C3: variants seen among roughly 807,000 people sequenced by gnomAD.
C3 encodes complement C3.
A neutral mutation model predicts 207.9 loss-of-function variants in C3; 97 were observed. The observed-to-expected ratio is 0.47, with a 90% CI of 0.40 to 0.55. C3 has a LOEUF of 0.55. C3 is among the 20% of genes least tolerant of loss of function. The pLI is 0.00. For missense variants in C3, 1,684 were observed against 2,171.7 expected (o/e 0.78, Z 4.46); for synonymous variants, 848 against 857.6 (o/e 0.99, Z 0.20).
At chr19:6,684,117 A>G in intron 33 of C3, 1 of 497,032 alleles carries the variant, frequency 2.0e-6, no homozygotes, top group Non-Finnish European at 3.7e-6. Flanking sequence ...GAAAAAAAGA[A>G]AACTTTAAAG....
Position 6,719,204 on chromosome 19 carries a change from C to A in C3, c.267+7G>T. On this transcript the variant is annotated splice_region_variant and intron_variant, in intron 2 of 40. Coordinates refer to ENST00000245907, the MANE Select transcript of C3 (RefSeq NM_000064.4). This position sits in a 1 kb window ranked among gnomAD's most constrained non-coding sequence, Gnocchi z 5.4. ...GTCAGCCGGGTCCTGCGCCAGTCTG[C>A]ACTCACCGTGAAGGTGACGTTGCCC... 6 of 1,612,818 alleles carry A rather than the reference C, an allele frequency of 3.7e-6. No homozygotes were observed. Among genetic ancestry groups the A allele is most frequent in the Non-Finnish European group, 5.1e-6 (6 of 1,178,956 alleles).
At position 6,713,240 on chromosome 19, in the gene C3, C is replaced by G; in HGVS notation, c.952G>C (p.Asp318His). Residue 318 changes from aspartate (D) to histidine (H), a missense_variant, in exon 9 of 41, where the codon GAC (aspartate) becomes CAC (histidine). Around this residue, in one of 3 missense-constraint regions of C3, gnomAD observed 1,280 missense variants for 1,739.1 expected, o/e 0.74. Transcript: ENST00000245907. ...LDGVQNPRAE[D>H]LVGKSLYVSA... ...ACGTACAAAGACTTCCCCACCAGGT[C>G]TTCTGCTCGGGGGTTCTGCACCCCG... The G allele has an allele frequency of 6.2e-7, 1 of 1,613,732 alleles. No homozygotes were observed. The highest frequency in any genetic ancestry group is 2.2e-5 in the East Asian group (1 of 44,882).
chr19:6,680,602 G>A (rs1917835118), intron 35 of C3, among the ~76,000 whole-genome samples: 1 of 152,178 alleles, frequency 6.6e-6, no homozygotes, highest in Non-Finnish European at 1.5e-5. Context: ...GATGGAAGGT[G>A]CTTGGATCCC....
intron 24 of C3, 96 bp from the exon 25 acceptor site, chr19:6,693,583 G>A (rs1254224985): frequency 1.7e-5 from 18 of 1,066,630 alleles, no homozygotes; most frequent in Non-Finnish European, 2.5e-5. Flanking sequence ...GGGGACAGGG[G>A]CTCAGGGTGG....
chr19:6,678,608 C>T (rs976879759), intron 38 of C3, among the ~76,000 whole-genome samples, 153 bp from the exon 39 acceptor site: 4 of 152,072 alleles, frequency 2.6e-5, no homozygotes, highest in Non-Finnish European at 5.9e-5. Context: ...CCTCATTACA[C>T]ACACAACCAT....
At chr19:6,699,967 T>C (rs1259258044) in intron 19 of C3, among the ~76,000 whole-genome samples, 2 of 149,208 alleles carry the variant, frequency 1.3e-5, no homozygotes, top group Non-Finnish European at 3.0e-5. Flanking sequence ...TTATATTATA[T>C]ATCTAATAAA....
At position 6,685,059 on chromosome 19, in the gene C3, G is replaced by A. The variant is rs1568211648; in HGVS notation, c.3898C>T (p.Leu1300=). 1.2e-6 allele frequency: 2 copies of A among 1,614,106 alleles called. No individual in the cohort carries two copies. Among genetic ancestry groups the A allele is most frequent in the Non-Finnish European group, 1.7e-6 (2 of 1,179,992 alleles). Residue 1300 remains leucine, a synonymous_variant, in exon 30 of 41, where the codon CTG becomes TTG. Coordinates refer to ENST00000245907, the MANE Select transcript of C3 (RefSeq NM_000064.4). ...GTGATCTTGGAGCTGCGGCTGGGCA[G>A]TTGGAGGGACACATCAAGGTTCAGT... The part of the protein sequence containing the change: ...QELNLDVSLQ[L]PSRSSKITHR...
chr19:6,719,248 G>T lies in C3; in HGVS notation c.230C>A (p.Thr77Asn), dbSNP rs1968115872. ...LVLSSEKTVL[T>N]PATNHMGNVT... is the part of the protein sequence containing the mutation. ...GTTGCCCATGTGGTTGGTGGCAGGG[G>T]TCAGCACAGTCTTCTCACTGGACAG... Residue 77 changes from threonine (T) to asparagine (N), a missense_variant, in exon 2 of 41, where the codon ACC becomes AAC. Coordinates refer to ENST00000245907, the MANE Select transcript of C3 (RefSeq NM_000064.4). This position sits in a 1 kb window ranked among gnomAD's most constrained non-coding sequence, Gnocchi z 5.4. The T allele has an allele frequency of 1.2e-6, 2 of 1,613,930 alleles. No homozygotes were observed. The highest frequency in any genetic ancestry group is 1.7e-6 in the Non-Finnish European group (2 of 1,179,990).
At chr19:6,696,924 C>G (rs1247207229) in intron 21 of C3, among the ~76,000 whole-genome samples, 1 of 150,844 alleles carries the variant, frequency 6.6e-6, no homozygotes, top group Non-Finnish European at 1.5e-5. Flanking sequence ...CGCCTGTAGT[C>G]CCAGCTACTC....
chr19:6,697,454 C>A lies in C3; in HGVS notation c.2686G>T (p.Val896Phe), dbSNP rs777574436. 1.2e-6 allele frequency: 2 copies of A among 1,613,806 alleles called. No individual in the cohort carries two copies. Among genetic ancestry groups the A allele is most frequent in the South Asian group, 1.1e-5 (1 of 91,048 alleles). Reference sequence around the variant, plus strand: ...TTTAGCGGCACGATGACATATGGAACGGACAACGAGGACTTGGGGGGGATG... The same window carrying A: ...TTTAGCGGCACGATGACATATGGAAAGGACAACGAGGACTTGGGGGGGATG... ...VTIPPKSSLS[V>F]PYVIVPLKTG... The change falls in exon 21 of 41, where the codon GTT (valine) becomes TTT (phenylalanine). Residue 896 changes from valine (V) to phenylalanine (F), a missense_variant. This residue lies in a region of C3 where 1,280 missense variants were observed against 1,739.1 expected (regional missense o/e 0.74). Coordinates refer to ENST00000245907, the MANE Select transcript of C3 (RefSeq NM_000064.4).
chr19:6,712,658 C>A (rs748315336), intron 9 of C3, 35 bp from the exon 10 acceptor site: 142 of 1,567,710 alleles, frequency 9.1e-5, no homozygotes, highest in Non-Finnish European at 9.8e-5. Flanking sequence ...GGCTTCTGGG[C>A]CACCCCTCAG....
At chr19:6,703,315 C>T (rs142498851) in intron 17 of C3, among the ~76,000 whole-genome samples, 18 of 152,006 alleles carry the variant, frequency 1.2e-4, no homozygotes, top group East Asian at 3.9e-4. Context: ...TTTAAAGAAA[C>T]GAAAGCATTT....
rs915820991 is a variant in C3, at chr19:6,678,572, C to G, written c.4631-117G>C. The G allele has an allele frequency of 4.0e-5, 31 of 768,788 alleles. No individual in the cohort carries two copies. In the South Asian group the frequency reaches 4.7e-4, roughly 12 times the overall value. 47.6% of individuals were successfully genotyped at this position (768,788 alleles called of 1,614,324 possible). Reference sequence around the variant, plus strand: ...TCTCCCAAGCAGAAAGTTGCAGAATCACAGCCAGTCACACTATGGCCCACC... The same window carrying G: ...TCTCCCAAGCAGAAAGTTGCAGAATGACAGCCAGTCACACTATGGCCCACC... On this transcript the variant is annotated intron_variant, in intron 38 of 40. Transcript: ENST00000245907.
chr19:6,703,068 G>C (rs999379239), intron 17 of C3, among the ~76,000 whole-genome samples: 1 of 151,862 alleles, frequency 6.6e-6, no homozygotes, highest in South Asian at 2.1e-4. Context: ...AAAGAGAGCC[G>C]ACCTACTTCC....
At chr19:6,694,321 G>A (rs1918251680) in intron 24 of C3, 110 bp downstream of exon 24, 2 of 934,632 alleles carry the variant, frequency 2.1e-6, no homozygotes, top group South Asian at 1.4e-5. Context: ...GGCTAGGAGA[G>A]AAGGTGGAGC....
In C3 at chr19:6,697,744, T is replaced by C; in HGVS notation, c.2491A>G (p.Ile831Val). The C allele has an allele frequency of 6.2e-7, 1 of 1,614,010 alleles. No homozygotes were observed. Among genetic ancestry groups the C allele is most frequent in the Non-Finnish European group, 8.5e-7 (1 of 1,179,988 alleles). ...FEVTVMQDFF[I>V]DLRLPYSVVR... The stretch of plus-strand genomic sequence containing the variant: ...ACAGAGTAGGGTAGCCGCAGGTCGA[T>C]GAAGAAGTCCTGCATTACTGTGACC... The change falls in exon 20 of 41, where the codon ATC (isoleucine) becomes GTC (valine). Residue 831 changes from isoleucine (I) to valine (V), a missense_variant. Around this residue, in one of 3 missense-constraint regions of C3, gnomAD observed 1,280 missense variants for 1,739.1 expected, o/e 0.74. Coordinates refer to ENST00000245907, the MANE Select transcript of C3 (RefSeq NM_000064.4).
chr19:6,707,512 G>A lies in C3; in HGVS notation c.2001C>T (p.Ala667=). ...RAELQCPQPA[A]RRRRSVQLTE... is the part of the protein sequence containing the mutation. ...TGAGCTGCACGGAACGGCGTCGGCGGGCGGCTGGCTGCGGGCACTGAAGTT... is the reference window on the plus strand; with the variant it reads ...TGAGCTGCACGGAACGGCGTCGGCGAGCGGCTGGCTGCGGGCACTGAAGTT... The change falls in exon 16 of 41, where the codon GCC becomes GCT. Residue 667 remains alanine, a synonymous_variant. Transcript: ENST00000245907. 6.2e-7 allele frequency: 1 copy of A among 1,614,082 alleles called. No individual in the cohort carries two copies. The highest frequency in any genetic ancestry group is 8.5e-7 in the Non-Finnish European group (1 of 1,179,968).
chr19:6,692,841 G>T, intron 26 of C3, 83 bp downstream of exon 26: 1 of 1,511,404 alleles, frequency 6.6e-7, no homozygotes, highest in Non-Finnish European at 9.1e-7. Flanking sequence ...GTGGGCACAT[G>T]GAGGTGGGGC....
In C3 at chr19:6,680,263, C is replaced by T. The variant is rs758737995; in HGVS notation, c.4351G>A (p.Val1451Ile). Residue 1451 changes from valine to isoleucine, a missense_variant and splice_region_variant, in exon 36 of 41, where the codon GTC (valine) becomes ATC (isoleucine). By Grantham distance (29) the Val-to-Ile change is conservative. Coordinates refer to ENST00000245907, the MANE Select transcript of C3 (RefSeq NM_000064.4). ...RNTLIIYLDK[V>I]SHSEDDCLAF... ...AGACAGTCATCCTCAGAGTGTGAGA[C>T]CTGAGGGGGAAGGAGGAGCTTGGTC... The T allele has an allele frequency of 1.9e-6, 3 of 1,556,670 alleles. No homozygotes were observed. The highest frequency in any genetic ancestry group is 2.7e-6 in the Non-Finnish European group (3 of 1,127,932).
Sources: gnomAD v4.1 joint callset for allele counts (sites outside exome capture counted in the v4.1 genomes callset) on GRCh38, gnomAD v4.1.1 for gene constraint, gnomAD v4.1.1 regional missense constraint, Gnocchi (gnomAD v3.1) non-coding constraint, MANE v1.5 for transcripts, NCBI Gene and HGNC (gene_info 2026-07-23, HGNC 2026-07-21) for gene names.